The following INPP4B variants were observed in gnomAD, a reference collection of about 807,000 sequenced individuals.
INPP4B encodes inositol polyphosphate 4-phosphatase type II.
A neutral mutation model predicts 122.5 loss-of-function variants in INPP4B; 55 were observed. The ratio of observed to expected loss-of-function variants is 0.45; its 90% CI spans 0.36 to 0.56. The LOEUF (loss-of-function observed/expected upper bound fraction) is 0.56. INPP4B is among the 20% of genes least tolerant of loss of function. The pLI is 0.00. For missense variants in INPP4B, 1,000 were observed against 1,097.7 expected (o/e 0.91, Z 1.26); for synonymous variants, 403 against 388.7 (o/e 1.04, Z -0.43).
At chr4:142,494,725 C>T (rs1302827986) in intron 2 of INPP4B, among the ~76,000 whole-genome samples, 1 of 152,106 alleles carries the variant, frequency 6.6e-6, no homozygotes. Flanking sequence ...TAGCTGCTCT[C>T]AATATTTTTT....
intron 12 of INPP4B, among the ~76,000 whole-genome samples, chr4:142,225,303 C>T (rs1475352456): frequency 6.6e-6 from 1 of 152,050 alleles, no homozygotes; most frequent in African/African-American, 2.4e-5. Flanking sequence ...TGGCCTTTGG[C>T]CACAGGCTGA....
At chr4:142,108,244 A>C in intron 22 of INPP4B, 54 bp from the exon 23 acceptor site, 1 of 877,190 alleles carries the variant, frequency 1.1e-6, no homozygotes, top group Non-Finnish European at 1.9e-6. Flanking sequence ...ACCAAAAAGT[A>C]ACACATTTTA....
chr4:142,070,209 C>T (rs553536335), intron 25 of INPP4B, among the ~76,000 whole-genome samples: 3 of 152,248 alleles, frequency 2.0e-5, no homozygotes, highest in East Asian at 3.9e-4. Context: ...TGTAATCCAT[C>T]ATATAAACAG....
intron 7 of INPP4B, chr4:142,384,161 C>T (rs1579913252): frequency 2.9e-6 from 2 of 701,358 alleles, no homozygotes; most frequent in Non-Finnish European, 5.2e-6. Context: ...TCTGACATAG[C>T]TTCTAAAAAT....
intron 7 of INPP4B, among the ~76,000 whole-genome samples, chr4:142,321,212 ATAAT>A (rs1193841400): frequency 2.6e-5 from 4 of 152,152 alleles, no homozygotes; most frequent in African/African-American, 9.7e-5. Flanking sequence ...CATTTTCCTG[ATAAT>A]TAGTGATGTT....
At chr4:142,398,445 T>TATATATAGA (rs749321202) in intron 7 of INPP4B, among the ~76,000 whole-genome samples, 2 of 74,556 alleles carry the variant, frequency 2.7e-5, no homozygotes, top group Non-Finnish European at 2.3e-5. Context: ...TATATATATA[T>TATATATAGA]AAAACATATT....
At chr4:142,811,606 T>A (rs1197597106) in intron 1 of INPP4B, among the ~76,000 whole-genome samples, 1 of 152,214 alleles carries the variant, frequency 6.6e-6, no homozygotes, top group African/African-American at 2.4e-5. Context: ...ATTATTAGAA[T>A]GATGTGACTA....
At chr4:142,337,756 A>T (rs200398430) in intron 7 of INPP4B, among the ~76,000 whole-genome samples, 158 of 128,932 alleles carry the variant, frequency 1.2e-3, no homozygotes, top group Non-Finnish European at 9.4e-4. Flanking sequence ...TATATATTTT[A>T]TATATATTTT....
At chr4:142,552,381 T>G (rs556076413) in intron 2 of INPP4B, among the ~76,000 whole-genome samples, 3 of 151,898 alleles carry the variant, frequency 2.0e-5, no homozygotes, top group Non-Finnish European at 4.4e-5. Context: ...TGAAGTTTAT[T>G]AAGTAAACTA....
chr4:142,495,111 C>T (rs918899740), intron 2 of INPP4B, among the ~76,000 whole-genome samples: 2 of 152,094 alleles, frequency 1.3e-5, no homozygotes, highest in African/African-American at 2.4e-5. Context: ...CAATGTAGTA[C>T]TTTCATTAAA....
At chr4:142,115,133 C>T (rs1444514323) in intron 21 of INPP4B, among the ~76,000 whole-genome samples, 3 of 152,064 alleles carry the variant, frequency 2.0e-5, no homozygotes, top group African/African-American at 7.2e-5. Flanking sequence ...AAGAAACCAA[C>T]AAAGCCTCCA....
chr4:142,525,797 C>T (rs545525823), intron 2 of INPP4B, among the ~76,000 whole-genome samples: 93 of 145,988 alleles, frequency 6.4e-4, no homozygotes, highest in African/African-American at 2.1e-3. Context: ...TAGAAGAAAA[C>T]CTAGGCAATA....
chr4:142,262,745 T>C (rs1379294730), intron 10 of INPP4B, among the ~76,000 whole-genome samples: 1 of 152,190 alleles, frequency 6.6e-6, no homozygotes, highest in African/African-American at 2.4e-5. Flanking sequence ...ACAAATATTC[T>C]CTATAAGTTA....
intron 2 of INPP4B, among the ~76,000 whole-genome samples, chr4:142,636,562 C>G (rs1458220015): frequency 2.0e-5 from 3 of 151,730 alleles, no homozygotes; most frequent in Non-Finnish European, 2.9e-5. Flanking sequence ...ATTTATTGAC[C>G]AAGAGGTATT....
intron 15 of INPP4B, among the ~76,000 whole-genome samples, chr4:142,184,506 G>T (rs900243377): frequency 1.3e-5 from 2 of 152,126 alleles, no homozygotes; most frequent in Non-Finnish European, 2.9e-5. Flanking sequence ...CTCTTCTGCA[G>T]GCATAGTCAT....
intron 12 of INPP4B, among the ~76,000 whole-genome samples, chr4:142,233,872 A>G (rs182318196): frequency 6.6e-6 from 1 of 152,232 alleles, no homozygotes; most frequent in East Asian, 1.9e-4. Flanking sequence ...TGGATAGGAT[A>G]TATCTTCAAG....
rs1271442291 is a variant in INPP4B, at chr4:142,806,394, CA to C, written c.-254+39814del. On this transcript the variant is annotated intron_variant, in intron 1 of 25. Coordinates refer to ENST00000262992, the MANE Select transcript of INPP4B (RefSeq NM_001101669.3). ...TATTACCTCTTCAAAAATTTAAATA[CA>C]TTTTTTTAAAAAGAAACACCTTTCT... Among the ~76,000 whole-genome samples, 52 of 148,392 alleles carry C rather than the reference CA, an allele frequency of 3.5e-4. 1 individual carries two copies. The highest frequency in any genetic ancestry group is 3.1e-3 in the Admixed American group (46 of 14,908).
At chr4:142,699,838 C>T (rs1761489596) in intron 2 of INPP4B, among the ~76,000 whole-genome samples, 1 of 152,206 alleles carries the variant, frequency 6.6e-6, no homozygotes, top group South Asian at 2.1e-4. Flanking sequence ...CATTGTGAGT[C>T]AACTCTATAT....
At chr4:142,220,134 A>G (rs1848789399) in intron 12 of INPP4B, among the ~76,000 whole-genome samples, 1 of 152,200 alleles carries the variant, frequency 6.6e-6, no homozygotes, top group African/African-American at 2.4e-5. Context: ...TTGCCAGTAA[A>G]TGGTAGATTC....
Sources: gnomAD v4.1 joint callset for allele counts (sites outside exome capture counted in the v4.1 genomes callset) on GRCh38, gnomAD v4.1.1 for gene constraint, MANE v1.5 for transcripts, NCBI Gene and HGNC (gene_info 2026-07-23, HGNC 2026-07-21) for gene names.